The following SLC25A43 variants were observed in gnomAD, a reference collection of about 807,000 sequenced individuals.
The protein encoded by SLC25A43 is solute carrier family 25 member 43.
Under a neutral mutation model 22.8 loss-of-function variants are expected in SLC25A43, and 10 were observed. That is an observed-to-expected ratio of 0.44 (90% CI 0.27 to 0.74). The LOEUF (loss-of-function observed/expected upper bound fraction) is 0.74, where lower values mean the gene tolerates loss of function less well. SLC25A43 is among the 30% of genes least tolerant of loss of function. The pLI is 0.17. For synonymous variants in SLC25A43, 106 were observed against 121.6 expected (o/e 0.87, Z 0.84); for missense variants, 233 against 279.1 (o/e 0.83, Z 1.18).
Position 119,410,252 on chromosome X carries a change from G to A in SLC25A43, c.580G>A (p.Gly194Arg), listed in dbSNP as rs769742123. The change falls in exon 3 of 5, where the codon GGA becomes AGA. Residue 194 changes from glycine to arginine, a missense_variant. Gly to Arg is a moderately radical substitution (Grantham distance 125). Coordinates refer to ENST00000217909, the MANE Select transcript of SLC25A43 (RefSeq NM_145305.3). ...VYMNLEKIWN[G>R]PRDQFSLPQN... Reference sequence around the variant, plus strand: ...CATGAACCTGGAGAAAATCTGGAACGGACCCCGAGATCAGTTCTCTCTCCC... The same window carrying A: ...CATGAACCTGGAGAAAATCTGGAACAGACCCCGAGATCAGTTCTCTCTCCC... 16 of 1,208,199 alleles carry A rather than the reference G, an allele frequency of 1.3e-5. No individual in the cohort carries two copies. The South Asian group carries it at 2.5e-4, about 19-fold the overall frequency.
At position 119,452,031 on chromosome X, in the gene SLC25A43, AC is replaced by A. The variant is rs2052710693; in HGVS notation, c.714del (p.His238GlnfsTer5). The A allele has an allele frequency of 1.7e-6, 2 of 1,207,836 alleles. No individual in the cohort carries two copies. Among genetic ancestry groups the A allele is most frequent in the Non-Finnish European group, 2.2e-6 (2 of 894,240 alleles). ...KMQAQSPYLP[H>X]SGGVDVHFSG... is the part of the protein sequence containing the mutation. ...CAGGCTCAGAGCCCCTACCTCCCAC[AC>A]AGTGGAGGAGTAGATGTCCATTTCT... On this transcript the variant is annotated frameshift_variant, in exon 4 of 5. Coordinates refer to ENST00000217909, the MANE Select transcript of SLC25A43 (RefSeq NM_145305.3). LOFTEE classifies it high-confidence loss of function.
chrX:119,451,780 C>T (rs1466972707), intron 3 of SLC25A43: 28 of 989,971 alleles, frequency 2.8e-5, no homozygotes, highest in Non-Finnish European at 3.1e-5. Context: ...TGCTTCCTTC[C>T]AGGCAAAATA....
intron 2 of SLC25A43, among the ~76,000 whole-genome samples, chrX:119,408,552 A>G (rs1389464488): frequency 1.8e-5 from 2 of 112,060 alleles, no homozygotes; most frequent in Admixed American, 9.5e-5. Flanking sequence ...AGCACCTGAC[A>G]TAGGGCCTGG....
intron 3 of SLC25A43, among the ~76,000 whole-genome samples, chrX:119,426,692 G>A (rs751591174): frequency 9.1e-6 from 1 of 110,060 alleles, no homozygotes; most frequent in Non-Finnish European, 1.9e-5. Flanking sequence ...GCATGGTGGC[G>A]CGCGCCCGTA....
At chrX:119,444,881 A>G (rs773453264) in intron 3 of SLC25A43, among the ~76,000 whole-genome samples, 20 of 107,022 alleles carry the variant, frequency 1.9e-4, no homozygotes, top group Middle Eastern at 4.9e-3. Flanking sequence ...CGAAAAATAC[A>G]AAAATTAGCC....
chrX:119,410,478 C>A (rs1179367130), intron 3 of SLC25A43, 116 bp downstream of exon 3: 10 of 805,621 alleles, frequency 1.2e-5, no homozygotes, highest in Non-Finnish European at 1.6e-5. Flanking sequence ...GAGCTTCTGA[C>A]TGCTCATAAA....
chrX:119,442,608 T>G (rs2052630694), intron 3 of SLC25A43, among the ~76,000 whole-genome samples: 1 of 111,982 alleles, frequency 8.9e-6, no homozygotes, highest in South Asian at 3.7e-4. Context: ...TCTTTACTGA[T>G]AGGGTAAGAA....
At chrX:119,429,779 C>T (rs985852055) in intron 3 of SLC25A43, among the ~76,000 whole-genome samples, 1 of 111,758 alleles carries the variant, frequency 8.9e-6, no homozygotes, top group Non-Finnish European at 1.9e-5. Flanking sequence ...GTGTGGAGGT[C>T]TCAGAAGATT....
intron 3 of SLC25A43, among the ~76,000 whole-genome samples, chrX:119,448,392 A>C (rs1406078908): frequency 9.0e-6 from 1 of 111,401 alleles, no homozygotes; most frequent in Non-Finnish European, 1.9e-5. Flanking sequence ...AACCCCCCCC[A>C]GTGACCAGTC....
intron 3 of SLC25A43, among the ~76,000 whole-genome samples, chrX:119,411,968 C>G (rs2052352921): frequency 8.9e-6 from 1 of 111,871 alleles, no homozygotes; most frequent in Admixed American, 9.5e-5. Flanking sequence ...CAATATATTC[C>G]TGAAGAACTC....
intron 3 of SLC25A43, among the ~76,000 whole-genome samples, chrX:119,410,799 G>A (rs2052343460): frequency 9.0e-6 from 1 of 111,081 alleles, no homozygotes; most frequent in Admixed American, 9.6e-5. Context: ...TGAGGCAGGA[G>A]GATCACTTGA....
rs1188953259 is a variant in SLC25A43, at chrX:119,446,810, TACAG to T, written c.691-5197_691-5194del. Among the ~76,000 whole-genome samples, 3 of 112,070 alleles carry T rather than the reference TACAG, an allele frequency of 2.7e-5. No homozygotes were observed. In the Admixed American group the frequency reaches 2.8e-4, roughly 11 times the overall value. On this transcript the variant is annotated intron_variant, in intron 3 of 4. Transcript: ENST00000217909. ...CAGCTGCTGCTTAAGGCACTAGAGATACAGAAATTAAAAAGACCCAGTCCTCAGA... is the reference window on the plus strand; with the variant it reads ...CAGCTGCTGCTTAAGGCACTAGAGATAAATTAAAAAGACCCAGTCCTCAGA...
At chrX:119,401,968 T>C (rs369170931) in intron 1 of SLC25A43, among the ~76,000 whole-genome samples, 2 of 110,989 alleles carry the variant, frequency 1.8e-5, no homozygotes, top group African/African-American at 6.6e-5. Flanking sequence ...GCTAGGAATT[T>C]TTTTTCCCCT....
At chrX:119,432,910 A>G (rs772512425) in intron 3 of SLC25A43, among the ~76,000 whole-genome samples, 2 of 110,220 alleles carry the variant, frequency 1.8e-5, no homozygotes, top group Non-Finnish European at 3.8e-5. Context: ...AGAGTTCAAA[A>G]CCAGCCTGGC....
intron 3 of SLC25A43, among the ~76,000 whole-genome samples, chrX:119,450,626 T>TA (rs1316985783): frequency 8.9e-6 from 1 of 112,167 alleles, no homozygotes; most frequent in Non-Finnish European, 1.9e-5. Context: ...GTGCTCTTCT[T>TA]ACTGTTGTAC....
chrX:119,449,114 C>A (rs2052686759), intron 3 of SLC25A43, among the ~76,000 whole-genome samples: 1 of 110,401 alleles, frequency 9.1e-6, no homozygotes, highest in Non-Finnish European at 1.9e-5. Context: ...TGCGTTCTGG[C>A]TGTAGTATAA....
intron 2 of SLC25A43, 64 bp downstream of exon 2, chrX:119,406,765 G>A: frequency 8.9e-7 from 1 of 1,121,365 alleles, no homozygotes; most frequent in Non-Finnish European, 1.2e-6. Context: ...CAAATGTATT[G>A]TATACCTTTG....
chrX:119,424,541 C>T (rs1603296916), intron 3 of SLC25A43, among the ~76,000 whole-genome samples: 1 of 111,185 alleles, frequency 9.0e-6, no homozygotes. Flanking sequence ...CTTTAGTTCC[C>T]TTGCCCCAGG....
At chrX:119,443,301 G>T (rs995289643) in intron 3 of SLC25A43, among the ~76,000 whole-genome samples, 2 of 109,500 alleles carry the variant, frequency 1.8e-5, no homozygotes, top group Admixed American at 9.8e-5. Context: ...TGTATTTTTA[G>T]CAGAGACAGG....
Sources: allele counts gnomAD v4.1 joint callset (sites outside exome capture counted in the v4.1 genomes callset), GRCh38; gene constraint gnomAD v4.1.1; transcripts MANE v1.5; gene names NCBI Gene and HGNC (gene_info 2026-07-23, HGNC 2026-07-21).